Variants in NPIPB6 observed in about 807,000 individuals in gnomAD.
The protein encoded by NPIPB6 is nuclear pore complex interacting protein family member B6.
NPIPB6 carries 2 observed loss-of-function variants against 20.0 expected under a neutral mutation model. The observed-to-expected ratio is 0.10, with a 90% CI of 0.04 to 0.31. NPIPB6 has a LOEUF of 0.31. Among genes scored for constraint, NPIPB6 ranks in the 10% least tolerant of loss-of-function variants. NPIPB6 has a pLI of 1.00. For synonymous variants in NPIPB6, 35 were observed against 116.3 expected, an observed-to-expected ratio of 0.30 and a Z score of 4.50; for missense variants, 96 against 293.7, an observed-to-expected ratio of 0.33 and a Z score of 4.92.
chr16:28,346,321 C>A lies in NPIPB6; in HGVS notation c.600-1568G>T. 3.7e-6 allele frequency: 3 copies of A among 810,404 alleles called. 1 individual carries two copies. Among genetic ancestry groups the A allele is most frequent in the Non-Finnish European group, 4.4e-6 (3 of 681,822 alleles). 50.2% of individuals were successfully genotyped at this position (810,404 alleles called of 1,614,324 possible). A position where few individuals can be genotyped will look rare whatever the true frequency, so the allele number is the denominator to read the frequency against. On this transcript the variant is annotated intron_variant, in intron 4 of 6. Coordinates refer to ENST00000532254, the Ensembl canonical transcript of NPIPB6. ...CTCATCTGACTCTTCCTGTGTGAGA[C>A]CTGATTCTCAGTCAGAGGCTGATGC...
At chr16:28,355,874 C>G (rs1330677815) in intron 1 of NPIPB6, among the ~76,000 whole-genome samples, 1 of 120,992 alleles carries the variant, frequency 8.3e-6, no homozygotes, top group East Asian at 2.4e-4. Flanking sequence ...TTTGGCCAGG[C>G]GCGGTGGCTC....
chr16:28,361,978 ATTCT>A (rs2045450894), intron 1 of NPIPB6, among the ~76,000 whole-genome samples: 1 of 147,766 alleles, frequency 6.8e-6, no homozygotes, highest in Non-Finnish European at 1.5e-5. Context: ...GATGTGGTTA[ATTCT>A]TTTATTCAAA....
Position 28,355,625 on chromosome 16 carries a change from G to C in NPIPB6, c.121-2564C>G, listed in dbSNP as rs1209333078. Among the ~76,000 whole-genome samples, 73 of 115,454 alleles carry C rather than the reference G, an allele frequency of 6.3e-4. 3 individuals are homozygous for C. Among genetic ancestry groups the C allele is most frequent in the Admixed American group, 1.5e-3 (15 of 10,300 alleles). The allele number at this position is 115,454 out of a possible 152,430, so 75.7% of individuals were successfully genotyped here. A position where few individuals can be genotyped will look rare whatever the true frequency, so the allele number is the denominator to read the frequency against. On this transcript the variant is annotated intron_variant, in intron 1 of 6. Transcript: ENST00000532254. ...AATACAAAATTAGCTGGGAGTGGTG[G>C]CACATGTCTGTAATCCCAGCCACCC...
intron 1 of NPIPB6, among the ~76,000 whole-genome samples, chr16:28,359,084 C>G (rs1236120590): frequency 8.2e-6 from 1 of 121,810 alleles, no homozygotes; most frequent in Non-Finnish European, 1.6e-5. Flanking sequence ...GAGACTCTGT[C>G]TCAAAAAGAA....
intron 1 of NPIPB6, among the ~76,000 whole-genome samples, chr16:28,355,098 CTGAG>C (rs1375933260): frequency 1.5e-5 from 2 of 136,852 alleles, no homozygotes; most frequent in Admixed American, 7.3e-5. Context: ...AAGACTTCCC[CTGAG>C]TAAGTTCAGA....
intron 4 of NPIPB6, among the ~76,000 whole-genome samples, chr16:28,348,584 A>ATAAAG (rs1163104556): frequency 9.2e-6 from 1 of 108,634 alleles, no homozygotes; most frequent in Non-Finnish European, 2.1e-5. Context: ...GAAAAAAAAA[A>ATAAAG]AGAGAGAGAG....
intron 1 of NPIPB6, among the ~76,000 whole-genome samples, chr16:28,355,927 A>G (rs1253179269): frequency 8.5e-6 from 1 of 118,018 alleles, no homozygotes; most frequent in Non-Finnish European, 1.9e-5. Flanking sequence ...CAGGCAGATC[A>G]CGAGGTCAAG....
chr16:28,342,824 A>C, exon 7 of NPIPB6: 1 of 1,554,890 alleles, frequency 6.4e-7, no homozygotes, highest in South Asian at 1.2e-5. Flanking sequence ...TGGTTTTTCC[A>C]CCTCGGCCTC....
exon 7 of NPIPB6, chr16:28,342,882 G>A (rs1398497812): frequency 1.3e-6 from 2 of 1,570,350 alleles, no homozygotes; most frequent in African/African-American, 2.7e-5. Context: ...ACTGAGGGTG[G>A]AAGAGGAGAG....
chr16:28,359,151 G>T (rs1447912134), intron 1 of NPIPB6, among the ~76,000 whole-genome samples: 130 of 139,192 alleles, frequency 9.3e-4, no homozygotes, highest in African/African-American at 3.6e-3. Flanking sequence ...GAGAGACCAA[G>T]TAAGTGGGGG....
exon 7 of NPIPB6, chr16:28,342,678 T>C (rs1294985227): frequency 6.5e-7 from 1 of 1,546,576 alleles, no homozygotes; most frequent in Admixed American, 2.0e-5. Context: ...CTCCGCCTCT[T>C]GGGTTTGGGT....
chr16:28,349,547 TCACACACACACACACACA>T (rs71225064), intron 2 of NPIPB6, among the ~76,000 whole-genome samples: 3 of 57,620 alleles, frequency 5.2e-5, no homozygotes, highest in African/African-American at 1.9e-4. Flanking sequence ...TGAGACTCTG[TCACACACACACACACACA>T]CACACACACA....
intron 1 of NPIPB6, among the ~76,000 whole-genome samples, chr16:28,361,762 GTGTGTGTA>G (rs760659439): frequency 0.28 from 20,893 of 75,534 alleles, 1,333 homozygotes; most frequent in Admixed American, 0.36. Flanking sequence ...GTGTGTGTGT[GTGTGTGTA>G]TGTGTGTGTG....
chr16:28,360,099 A>T (rs1208436974), intron 1 of NPIPB6, among the ~76,000 whole-genome samples: 2 of 138,796 alleles, frequency 1.4e-5, no homozygotes, highest in Non-Finnish European at 3.2e-5. Flanking sequence ...GTTTTGGGAG[A>T]GTGTTTAGCA....
rs1421760669 is a variant in NPIPB6, at chr16:28,361,744, GTGTGTGTGTGTGTGTGTGTGTGTGTA to G, written c.120+933_120+958del. On this transcript the variant is annotated intron_variant, in intron 1 of 6. Transcript: ENST00000532254. ...TCTCTCTCTATATGTGTGTGTGTGT[GTGTGTGTGTGTGTGTGTGTGTGTGTA>G]TGTGTGTGTGTGTGTGTATCTATAT... is the stretch of plus-strand genomic sequence containing the variant. Among the ~76,000 whole-genome samples the G allele has an allele frequency of 6.2e-3, 439 of 71,036 alleles. 1 individual carries two copies. Among genetic ancestry groups the G allele is most frequent in the Non-Finnish European group, 0.011 (334 of 29,672 alleles). 46.6% of individuals were successfully genotyped at this position (71,036 alleles called of 152,430 possible).
exon 1 of NPIPB6, chr16:28,362,856 C>T: frequency 1.4e-6 from 2 of 1,441,682 alleles, no homozygotes; most frequent in South Asian, 1.2e-5. Flanking sequence ...ATCATGAGTG[C>T]CAACCTATTA....
intron 1 of NPIPB6, among the ~76,000 whole-genome samples, chr16:28,361,716 GTCTC>G (rs1166408037): frequency 7.0e-6 from 1 of 143,652 alleles, no homozygotes; most frequent in Non-Finnish European, 1.5e-5. Context: ...GTGAAACTCT[GTCTC>G]TCTCTCTATA....
chr16:28,362,834 G>C, exon 1 of NPIPB6: 2 of 1,546,612 alleles, frequency 1.3e-6, no homozygotes, highest in African/African-American at 2.7e-5. Flanking sequence ...TGCAGAATGA[G>C]AACAGGGGCT....
chr16:28,361,673 G>A (rs879477495), intron 1 of NPIPB6, among the ~76,000 whole-genome samples: 2,761 of 142,634 alleles, frequency 0.019, 4 homozygotes, highest in Non-Finnish European at 0.03. Flanking sequence ...GTGAGCCAAG[G>A]TTGTGCCACT....
Sources: gnomAD v4.1 joint callset for allele counts (sites outside exome capture counted in the v4.1 genomes callset) on GRCh38, gnomAD v4.1.1 for gene constraint, MANE v1.5 for transcripts, NCBI Gene and HGNC (gene_info 2026-07-23, HGNC 2026-07-21) for gene names.